MREG: variants seen among roughly 807,000 people sequenced by gnomAD.
MREG encodes the protein dilute suppressor protein homolog.
In MREG, 31 loss-of-function variants were observed where a neutral mutation model predicts 28.5. The observed-to-expected ratio is 1.09, with a 90% CI of 0.82 to 1.47. MREG has a LOEUF of 1.47. MREG is among the 40% of genes most tolerant of loss of function. The pLI, the probability that MREG is intolerant of heterozygous loss-of-function variation, is 0.00. For synonymous variants in MREG, 106 were observed against 95.2 expected, an observed-to-expected ratio of 1.11 and a Z score of -0.66; for missense variants, 256 against 257.4, an observed-to-expected ratio of 0.99 and a Z score of 0.04.
At position 215,975,008 on chromosome 2, in the gene MREG, TTATATA is replaced by T. The variant is rs58937716; in HGVS notation, c.255+21292_255+21297del. ...GGGAGAGAATTTTATTTTATATGAA[TTATATA>T]TATATATATATATGAAATAATACCT... On this transcript the variant is annotated intron_variant, in intron 2 of 4. Coordinates refer to ENST00000263268, the MANE Select transcript of MREG (RefSeq NM_018000.3). 2.5e-4 allele frequency among the ~76,000 whole-genome samples: 27 copies of T among 106,612 alleles called. 1 individual carries two copies. The East Asian group carries it at 5.8e-3, about 23-fold the overall frequency. 69.9% of individuals were successfully genotyped at this position (106,612 alleles called of 152,430 possible).
At chr2:215,979,486 AATAATAAT>A (rs1693358598) in intron 2 of MREG, among the ~76,000 whole-genome samples, 1 of 146,334 alleles carries the variant, frequency 6.8e-6, no homozygotes, top group African/African-American at 2.5e-5. Flanking sequence ...TAATAATAAT[AATAATAAT>A]AATAATAATA....
chr2:216,002,434 C>A (rs1040063305), intron 1 of MREG, among the ~76,000 whole-genome samples: 1 of 152,342 alleles, frequency 6.6e-6, no homozygotes, highest in South Asian at 2.1e-4. Context: ...ACAGTGCACA[C>A]AGGCTGGCCT....
upstream of MREG, among the ~76,000 whole-genome samples, chr2:216,016,601 T>G (rs1395935470): frequency 6.6e-6 from 1 of 152,248 alleles, no homozygotes; most frequent in Non-Finnish European, 1.5e-5. Flanking sequence ...TCTTACCCTA[T>G]TTAACACAGT....
At chr2:216,015,036 TAG>T (rs1248834403), upstream of MREG, among the ~76,000 whole-genome samples, 1 of 151,872 alleles carries the variant, frequency 6.6e-6, no homozygotes, top group African/African-American at 2.4e-5. Context: ...TTCAATATGT[TAG>T]GAGTCCATAT....
At chr2:216,009,618 AG>A (rs1326168083) in intron 1 of MREG, among the ~76,000 whole-genome samples, 1 of 152,174 alleles carries the variant, frequency 6.6e-6, no homozygotes, top group African/African-American at 2.4e-5. Flanking sequence ...AAACATGCTC[AG>A]GAGAATCACA....
intron 2 of MREG, among the ~76,000 whole-genome samples, chr2:215,960,658 AC>A (rs1692756892): frequency 6.6e-6 from 1 of 151,892 alleles, no homozygotes; most frequent in African/African-American, 2.4e-5. Flanking sequence ...ACATGGTGAA[AC>A]CCCGTCTCTA....
chr2:215,956,821 T>C (rs1354890707), intron 2 of MREG, among the ~76,000 whole-genome samples: 1 of 152,200 alleles, frequency 6.6e-6, no homozygotes, highest in East Asian at 1.9e-4. Context: ...ATTACAGGGA[T>C]GAGCCACCAT....
At chr2:215,964,616 C>T (rs1692886762) in intron 2 of MREG, among the ~76,000 whole-genome samples, 1 of 152,068 alleles carries the variant, frequency 6.6e-6, no homozygotes, top group African/African-American at 2.4e-5. Flanking sequence ...AAACAATGAA[C>T]ACTGTGTTGC....
At chr2:216,003,875 C>G (rs13410982) in intron 1 of MREG, among the ~76,000 whole-genome samples, 48,111 of 151,842 alleles carry the variant, frequency 0.32, 7,751 homozygotes, top group Non-Finnish European at 0.34. Context: ...ATAAGAATTT[C>G]TACTGTTGTC....
intron 2 of MREG, among the ~76,000 whole-genome samples, chr2:215,963,477 T>A (rs975280320): frequency 6.7e-6 from 1 of 149,878 alleles, no homozygotes; most frequent in Non-Finnish European, 1.5e-5. Context: ...AGTTTTTATA[T>A]TGATTACGTG....
intron 2 of MREG, among the ~76,000 whole-genome samples, chr2:215,979,472 ATAATAAT>A (rs1559184960): frequency 5.1e-5 from 5 of 98,740 alleles, no homozygotes; most frequent in African/African-American, 2.0e-4. Flanking sequence ...TCAAAAAATA[ATAATAAT>A]AATAATAATA....
chr2:215,980,204 T>C (rs1693387133), intron 2 of MREG, among the ~76,000 whole-genome samples: 1 of 152,136 alleles, frequency 6.6e-6, no homozygotes, highest in South Asian at 2.1e-4. Flanking sequence ...TGCTTTCTCC[T>C]GGAGGGCCCC....
chr2:215,969,177 G>C (rs535165994), intron 2 of MREG, among the ~76,000 whole-genome samples: 10 of 152,138 alleles, frequency 6.6e-5, no homozygotes, highest in African/African-American at 2.4e-4. Flanking sequence ...AAGATGTCTC[G>C]GGAGCTGCCT....
intron 1 of MREG, among the ~76,000 whole-genome samples, chr2:216,002,781 G>T (rs1694051062): frequency 6.6e-6 from 1 of 151,482 alleles, no homozygotes; most frequent in Non-Finnish European, 1.5e-5. Context: ...CTCCTTCTTT[G>T]TCTTTCCTTC....
chr2:215,949,806 T>C (rs1692439284), intron 2 of MREG, among the ~76,000 whole-genome samples: 1 of 152,212 alleles, frequency 6.6e-6, no homozygotes, highest in African/African-American at 2.4e-5. Flanking sequence ...AAAAAATATA[T>C]ACATACAGGA....
At chr2:215,946,079 T>C (rs2105965275) in intron 3 of MREG, among the ~76,000 whole-genome samples, 1 of 152,094 alleles carries the variant, frequency 6.6e-6, no homozygotes, top group South Asian at 2.1e-4. Context: ...CCAGAATTCC[T>C]ACCTGCCTCC....
At chr2:215,990,828 G>A (rs374117295) in intron 2 of MREG, among the ~76,000 whole-genome samples, 2 of 152,172 alleles carry the variant, frequency 1.3e-5, no homozygotes, top group East Asian at 1.9e-4. Flanking sequence ...AGGGATCAAC[G>A]CAACAAAAAG....
At chr2:215,999,297 T>G (rs772659835) in intron 1 of MREG, among the ~76,000 whole-genome samples, 4 of 152,230 alleles carry the variant, frequency 2.6e-5, no homozygotes, top group Non-Finnish European at 4.4e-5. Context: ...GTCTGGATTT[T>G]AGAGAAATAA....
chr2:215,949,866 T>C (rs1419887428), intron 2 of MREG, among the ~76,000 whole-genome samples: 1 of 152,276 alleles, frequency 6.6e-6, no homozygotes, highest in Non-Finnish European at 1.5e-5. Context: ...TTGTTATGAC[T>C]TTATTCATAT....
Sources: gnomAD v4.1 joint callset for allele counts (sites outside exome capture counted in the v4.1 genomes callset) on GRCh38, gnomAD v4.1.1 for gene constraint, MANE v1.5 for transcripts, NCBI Gene and HGNC (gene_info 2026-07-23, HGNC 2026-07-21) for gene names.